PLCL1: variants seen among roughly 807,000 people sequenced by gnomAD.
PLCL1 encodes the protein phospholipase C like 1 (inactive), also known as inactive phospholipase C-like protein 1.
In PLCL1, 41 loss-of-function variants were observed where a neutral mutation model predicts 84.4. The observed-to-expected ratio is 0.49, with a 90% confidence interval of 0.38 to 0.63. The LOEUF is 0.63. Among genes scored for constraint, PLCL1 ranks in the 30% least tolerant of loss-of-function variants. PLCL1 has a pLI of 0.00. For synonymous variants in PLCL1, 490 were observed against 488.3 expected (o/e 1.00, Z -0.05); for missense variants, 1,206 against 1,367.8 (o/e 0.88, Z 1.87).
At chr2:197,974,739 T>C (rs1362216519) in intron 1 of PLCL1, among the ~76,000 whole-genome samples, 1 of 152,236 alleles carries the variant, frequency 6.6e-6, no homozygotes, top group Non-Finnish European at 1.5e-5. Flanking sequence ...TTGTGTACTT[T>C]GGGAAGAATG....
Position 197,831,821 on chromosome 2 carries a change from G to A in PLCL1, c.240+26482G>A, listed in dbSNP as rs138557518. 6.8e-3 allele frequency among the ~76,000 whole-genome samples: 1,034 copies of A among 152,178 alleles called. 4 individuals carry two copies. The highest frequency in any genetic ancestry group is 0.027 in the Middle Eastern group (8 of 294). On this transcript the variant is annotated intron_variant, in intron 1 of 5. Coordinates refer to ENST00000428675, the MANE Select transcript of PLCL1 (RefSeq NM_006226.4). Reference sequence around the variant, plus strand: ...AACGGAAATAATAAGAAACAGTCACGCAGACCACAGTGCAATCAAATTAGA... The same window carrying A: ...AACGGAAATAATAAGAAACAGTCACACAGACCACAGTGCAATCAAATTAGA...
rs1390082226 is a variant in PLCL1, at chr2:198,121,637, G to C, written c.3105+17701G>C. ...CTGTAGGTGTGTAGATTTGTTTCTGGGTTCTCTATTCTGTTCCATTGGTCG... is the reference window on the plus strand; with the variant it reads ...CTGTAGGTGTGTAGATTTGTTTCTGCGTTCTCTATTCTGTTCCATTGGTCG... On this transcript the variant is annotated intron_variant, in intron 5 of 5. Coordinates refer to ENST00000428675, the MANE Select transcript of PLCL1 (RefSeq NM_006226.4). Among the ~76,000 whole-genome samples the C allele has an allele frequency of 3.3e-5, 5 of 150,938 alleles. No homozygotes were observed. The East Asian group carries it at 7.8e-4, about 24-fold the overall frequency.
chr2:198,045,456 T>C (rs1691764913), intron 1 of PLCL1, among the ~76,000 whole-genome samples: 1 of 152,232 alleles, frequency 6.6e-6, no homozygotes, highest in Non-Finnish European at 1.5e-5. Context: ...GTAATTTAGA[T>C]AGGTTGTCCT....
At chr2:197,958,359 G>A (rs1263901596) in intron 1 of PLCL1, among the ~76,000 whole-genome samples, 1 of 144,696 alleles carries the variant, frequency 6.9e-6, no homozygotes, top group African/African-American at 2.5e-5. Flanking sequence ...TAGCTTATGA[G>A]CTAAAAAAAA....
chr2:197,804,918 A>T lies in PLCL1; in HGVS notation c.-182A>T, dbSNP rs1690432451. ...CGAAGCCCGAGGACGTCTCTGCCCGAGCGATGTCCCCTCTCCAGAAAGTTG... is the reference window on the plus strand; with the variant it reads ...CGAAGCCCGAGGACGTCTCTGCCCGTGCGATGTCCCCTCTCCAGAAAGTTG... On this transcript the variant is annotated 5_prime_UTR_variant, in exon 1 of 6. Transcript: ENST00000428675. 1.7e-6 allele frequency: 1 copy of T among 585,418 alleles called. No individual in the cohort carries two copies. Among genetic ancestry groups the T allele is most frequent in the African/African-American group, 2.1e-5 (1 of 48,506 alleles). 36.3% of individuals were successfully genotyped at this position (585,418 alleles called of 1,614,324 possible).
intron 1 of PLCL1, among the ~76,000 whole-genome samples, chr2:197,953,853 T>TG (rs1689435050): frequency 6.9e-6 from 1 of 145,460 alleles, no homozygotes; most frequent in Admixed American, 6.8e-5. Context: ...ATTCCAGAGT[T>TG]TTTTTTTTTT....
intron 1 of PLCL1, among the ~76,000 whole-genome samples, chr2:197,886,916 T>C (rs953920291): frequency 6.6e-6 from 1 of 152,246 alleles, no homozygotes; most frequent in Non-Finnish European, 1.5e-5. Context: ...TAGGTTTTTA[T>C]ATTCTGTTAT....
At chr2:197,886,446 A>AAAAAAAAAAG (rs1687924959) in intron 1 of PLCL1, among the ~76,000 whole-genome samples, 1 of 147,070 alleles carries the variant, frequency 6.8e-6, no homozygotes, top group Non-Finnish European at 1.5e-5. Context: ...AAAAAAAAAA[A>AAAAAAAAAAG]AAAAAAGTAA....
chr2:198,021,668 C>A (rs986978191), intron 1 of PLCL1, among the ~76,000 whole-genome samples: 1 of 152,130 alleles, frequency 6.6e-6, no homozygotes, highest in Non-Finnish European at 1.5e-5. Flanking sequence ...TTCCTGGACA[C>A]ACACACCCTC....
chr2:197,863,634 A>G (rs933718499), intron 1 of PLCL1, among the ~76,000 whole-genome samples: 1 of 152,144 alleles, frequency 6.6e-6, no homozygotes, highest in Non-Finnish European at 1.5e-5. Context: ...GATATCATAA[A>G]ATTTCCTTTT....
At chr2:197,917,004 T>A (rs1455796046) in intron 1 of PLCL1, among the ~76,000 whole-genome samples, 1 of 152,118 alleles carries the variant, frequency 6.6e-6, no homozygotes, top group African/African-American at 2.4e-5. Flanking sequence ...AAACTGACAA[T>A]ACCAATTGCT....
intron 5 of PLCL1, among the ~76,000 whole-genome samples, chr2:198,141,253 A>G (rs1418753732): frequency 1.3e-5 from 2 of 152,200 alleles, no homozygotes; most frequent in African/African-American, 2.4e-5. Context: ...AAATCTGAGC[A>G]TTGATAACTT....
chr2:197,968,903 A>G (rs1281331541), intron 1 of PLCL1, among the ~76,000 whole-genome samples: 2 of 152,172 alleles, frequency 1.3e-5, no homozygotes, highest in African/African-American at 2.4e-5. Context: ...GTTAAGAGTA[A>G]TTCATTTAAA....
intron 1 of PLCL1, among the ~76,000 whole-genome samples, chr2:198,032,562 A>AT (rs1047415631): frequency 9.2e-5 from 14 of 151,940 alleles, no homozygotes; most frequent in East Asian, 3.9e-4. Context: ...ATAAATTAAC[A>AT]TTTTTTTTAG....
intron 1 of PLCL1, among the ~76,000 whole-genome samples, chr2:197,844,678 G>C (rs1687086354): frequency 6.6e-6 from 1 of 151,944 alleles, no homozygotes; most frequent in African/African-American, 2.4e-5. Context: ...TAAAATTTTA[G>C]TATTATATTC....
intron 1 of PLCL1, among the ~76,000 whole-genome samples, chr2:198,055,170 C>T (rs1692031605): frequency 6.6e-6 from 1 of 152,014 alleles, no homozygotes; most frequent in Non-Finnish European, 1.5e-5. Flanking sequence ...AGTGCTCTGA[C>T]CTGCATTCTG....
chr2:197,806,941 C>A (rs73054839), intron 1 of PLCL1, among the ~76,000 whole-genome samples: 27,422 of 152,106 alleles, frequency 0.18, 2,571 homozygotes, highest in East Asian at 0.27. Flanking sequence ...GGTTTATATT[C>A]TCAGAAGGGT....
chr2:197,815,229 A>G (rs1690664040), intron 1 of PLCL1, among the ~76,000 whole-genome samples: 1 of 152,182 alleles, frequency 6.6e-6, no homozygotes. Flanking sequence ...CCAATGCTCA[A>G]TTACCATTCT....
chr2:198,044,063 A>T (rs1381449074), intron 1 of PLCL1, among the ~76,000 whole-genome samples: 2 of 152,018 alleles, frequency 1.3e-5, no homozygotes. Flanking sequence ...AAATTACACA[A>T]CATATTTTCA....
Sources: allele counts gnomAD v4.1 joint callset (sites outside exome capture counted in the v4.1 genomes callset), GRCh38; gene constraint gnomAD v4.1.1; transcripts MANE v1.5; gene names NCBI Gene and HGNC (gene_info 2026-07-23, HGNC 2026-07-21).